The following CRACR2A variants were observed in gnomAD, a reference collection of about 807,000 sequenced individuals.
CRACR2A encodes the protein EF-hand calcium-binding domain-containing protein 4B.
Under a neutral mutation model 90.5 loss-of-function variants are expected in CRACR2A, and 79 were observed. That is an observed-to-expected ratio of 0.87 (90% CI 0.73 to 1.05). The LOEUF (loss-of-function observed/expected upper bound fraction) is 1.05. CRACR2A is among the 50% of genes least tolerant of loss of function. The pLI is 0.00. For synonymous variants in CRACR2A, 338 were observed against 356.7 expected, an observed-to-expected ratio of 0.95 and a Z score of 0.59; for missense variants, 823 against 897.2, an observed-to-expected ratio of 0.92 and a Z score of 1.06.
intron 1 of CRACR2A, among the ~76,000 whole-genome samples, chr12:3,737,673 C>T (rs1946466762): frequency 6.6e-6 from 1 of 152,016 alleles, no homozygotes; most frequent in African/African-American, 2.4e-5. Flanking sequence ...ATCAAGAGGA[C>T]TGGGTGGCCA....
intron 1 of CRACR2A, among the ~76,000 whole-genome samples, chr12:3,744,467 A>C (rs1339103482): frequency 1.3e-5 from 2 of 152,214 alleles, no homozygotes; most frequent in Non-Finnish European, 2.9e-5. Context: ...AAGCAGGAAG[A>C]ATCAGAGAGT....
At position 3,730,159 on chromosome 12, in the gene CRACR2A, C is replaced by T. The variant is rs988923582; in HGVS notation, c.-118+2783G>A. ...ATCGCTTTCATATTAAGTCTGCCCT[C>T]CTCCCTCTGCTGGAAAAAGACAGCC... On this transcript the variant is annotated intron_variant, in intron 2 of 19. Transcript: ENST00000440314. 3.3e-5 allele frequency: 5 copies of T among 152,348 alleles called. No individual in the cohort carries two copies. The South Asian group carries it at 1.0e-3, about 32-fold the overall frequency. The allele number at this position is 152,348 out of a possible 1,614,324, so 9.4% of individuals were successfully genotyped here.
chr12:3,695,432 G>T (rs531595320), intron 4 of CRACR2A, among the ~76,000 whole-genome samples: 2 of 152,104 alleles, frequency 1.3e-5, no homozygotes, highest in Admixed American at 6.5e-5. Context: ...GGGCTGAGCT[G>T]GTGTTCCCCA....
chr12:3,713,617 C>T (rs1028661395), intron 2 of CRACR2A, among the ~76,000 whole-genome samples: 1 of 152,134 alleles, frequency 6.6e-6, no homozygotes, highest in African/African-American at 2.4e-5. Context: ...TTGGACACTG[C>T]CCCCCTGCCC....
intron 1 of CRACR2A, among the ~76,000 whole-genome samples, chr12:3,745,825 TAAAGA>T (rs1199975908): frequency 3.0e-5 from 3 of 100,486 alleles, no homozygotes; most frequent in Non-Finnish European, 5.9e-5. Flanking sequence ...TAAAATAAAA[TAAAGA>T]AAGAAAAGAG....
chr12:3,638,243 A>T lies in CRACR2A; in HGVS notation c.1483T>A (p.Ser495Thr). Residue 495 changes from serine (S) to threonine (T), a missense_variant, in exon 14 of 20, where the codon TCA becomes ACA. Transcript: ENST00000440314. ...GGFEQPLSKC[S>T]EEEEVSDQGV... ...TGGTCAGAGACCTCTTCCTCTTCTGAGCATTTGCTCAGGGGTTGCTCAAAG... is the reference window on the plus strand; with the variant it reads ...TGGTCAGAGACCTCTTCCTCTTCTGTGCATTTGCTCAGGGGTTGCTCAAAG... 6.4e-7 allele frequency: 1 copy of T among 1,551,534 alleles called. No homozygotes were observed. The highest frequency in any genetic ancestry group is 8.7e-7 in the Non-Finnish European group (1 of 1,146,964).
intron 17 of CRACR2A, among the ~76,000 whole-genome samples, chr12:3,621,648 C>CAA (rs557648607): frequency 0.017 from 255 of 14,592 alleles, 36 homozygotes; most frequent in East Asian, 0.03. Flanking sequence ...GAGACTCTGT[C>CAA]AAAAAAAAAA....
intron 18 of CRACR2A, among the ~76,000 whole-genome samples, chr12:3,618,208 C>A (rs928767987): frequency 4.8e-4 from 73 of 150,778 alleles, no homozygotes; most frequent in African/African-American, 1.6e-3. Flanking sequence ...TGGATAGAAT[C>A]TTTGGGTCCA....
At chr12:3,725,461 T>C (rs1312104490) in intron 2 of CRACR2A, among the ~76,000 whole-genome samples, 2 of 152,140 alleles carry the variant, frequency 1.3e-5, no homozygotes, top group African/African-American at 4.8e-5. Flanking sequence ...CCTCTGTGTG[T>C]CTCTTTATGA....
rs368125287 is a variant in CRACR2A, at chr12:3,708,088, C to T, written c.-37+5149G>A. ...TGGACCCTCCCTCAGCATCCGTGTG[C>T]TTTCGCTTCTATCTTTCTGAACCTG... On this transcript the variant is annotated intron_variant, in intron 3 of 19. Coordinates refer to ENST00000440314, the MANE Select transcript of CRACR2A (RefSeq NM_001144958.2). Among the ~76,000 whole-genome samples, 55 of 152,270 alleles carry T rather than the reference C, an allele frequency of 3.6e-4. No individual in the cohort carries two copies. In the East Asian group the frequency reaches 4.6e-3, roughly 13 times the overall value.
intron 2 of CRACR2A, chr12:3,728,891 G>A (rs1290684021): frequency 6.6e-6 from 1 of 152,192 alleles, no homozygotes; most frequent in Non-Finnish European, 1.5e-5. Flanking sequence ...CCACTTCTGG[G>A]TCCCACTTCC....
intron 4 of CRACR2A, among the ~76,000 whole-genome samples, chr12:3,690,017 GTGTT>G (rs377337370): frequency 1.3e-5 from 2 of 151,878 alleles, no homozygotes; most frequent in African/African-American, 4.8e-5. Flanking sequence ...ATTACTAATT[GTGTT>G]TATTTGGAGC....
chr12:3,641,724 T>C lies in CRACR2A; in HGVS notation c.1271+8A>G. 6.4e-7 allele frequency: 1 copy of C among 1,550,984 alleles called. No homozygotes were observed. Among genetic ancestry groups the C allele is most frequent in the Non-Finnish European group, 8.7e-7 (1 of 1,146,414 alleles). ...GAATGAAGGGATGAGCAAGTGGAGA[T>C]GACTTACCTCCTAAGAATCCCTCTG... On this transcript the variant is annotated splice_region_variant and intron_variant, in intron 13 of 19. Transcript: ENST00000440314.
chr12:3,641,644 G>A, intron 13 of CRACR2A, 88 bp downstream of exon 13: 2 of 1,179,080 alleles, frequency 1.7e-6, no homozygotes, highest in Non-Finnish European at 2.4e-6. Context: ...CACCTCTCAA[G>A]GGGTCAGCAG....
At chr12:3,644,299 C>T (rs1944645354) in intron 12 of CRACR2A, among the ~76,000 whole-genome samples, 1 of 152,060 alleles carries the variant, frequency 6.6e-6, no homozygotes, top group South Asian at 2.1e-4. Flanking sequence ...GACATTTCAA[C>T]TGCGCCATCT....
intron 12 of CRACR2A, among the ~76,000 whole-genome samples, chr12:3,643,441 C>T (rs564741450): frequency 1.3e-5 from 2 of 152,164 alleles, no homozygotes; most frequent in South Asian, 4.1e-4. Flanking sequence ...CGCGTGACAG[C>T]GGAGGTCATG....
intron 3 of CRACR2A, among the ~76,000 whole-genome samples, chr12:3,709,486 C>T (rs1257631177): frequency 6.6e-6 from 1 of 152,152 alleles, no homozygotes; most frequent in Non-Finnish European, 1.5e-5. Context: ...TCTTTACAAC[C>T]TCAGTTTCTG....
In CRACR2A at chr12:3,644,699, G is replaced by A. The variant is rs187734043; in HGVS notation, c.1119-59C>T. The stretch of plus-strand genomic sequence containing the variant: ...GGAGTTTGCAGTTGACAGATCCAAC[G>A]GCAGCCAATTTGCTATTCAGATGGG... On this transcript the variant is annotated intron_variant, in intron 11 of 19. Coordinates refer to ENST00000440314, the MANE Select transcript of CRACR2A (RefSeq NM_001144958.2). 4.2e-5 allele frequency: 63 copies of A among 1,492,776 alleles called. No individual in the cohort carries two copies. The East Asian group carries it at 1.1e-3, about 27-fold the overall frequency. The allele number at this position is 1,492,776 out of a possible 1,614,324, so 92.5% of individuals were successfully genotyped here. A position where few individuals can be genotyped will look rare whatever the true frequency, so the allele number is the denominator to read the frequency against.
chr12:3,749,075 T>G (rs1344234022), intron 1 of CRACR2A, among the ~76,000 whole-genome samples: 1 of 152,236 alleles, frequency 6.6e-6, no homozygotes, highest in Admixed American at 6.5e-5. Context: ...ACCATAGACA[T>G]GATACTGTGC....
Sources: gnomAD v4.1 joint callset for allele counts (sites outside exome capture counted in the v4.1 genomes callset) on GRCh38, gnomAD v4.1.1 for gene constraint, MANE v1.5 for transcripts, NCBI Gene and HGNC (gene_info 2026-07-23, HGNC 2026-07-21) for gene names.